Variants in MAP3K5 observed in about 807,000 individuals in gnomAD.
The protein encoded by MAP3K5 is mitogen-activated protein kinase kinase kinase 5.
In MAP3K5, 56 loss-of-function variants were observed where a neutral mutation model predicts 158.7. The ratio of observed to expected loss-of-function variants is 0.35; its 90% CI spans 0.28 to 0.44. The LOEUF (loss-of-function observed/expected upper bound fraction) is 0.44. MAP3K5 is among the 20% of genes least tolerant of loss of function. The pLI is 1.00. For missense variants in MAP3K5, 1,294 were observed against 1,674.8 expected, an observed-to-expected ratio of 0.77 and a Z score of 3.97; for synonymous variants, 579 against 601.7, an observed-to-expected ratio of 0.96 and a Z score of 0.55.
intron 1 of MAP3K5, among the ~76,000 whole-genome samples, chr6:136,738,747 G>A (rs531036481): frequency 6.6e-6 from 1 of 152,258 alleles, no homozygotes; most frequent in Non-Finnish European, 1.5e-5. Flanking sequence ...AGAACAGTCA[G>A]GGTACCACAT....
upstream of MAP3K5, chr6:136,792,529 C>G (rs183320694): frequency 6.7e-3 from 1,715 of 255,734 alleles, 35 homozygotes; most frequent in African/African-American, 0.041. This position sits in a 1 kb window ranked among gnomAD's most constrained non-coding sequence, Gnocchi z 5.7. Flanking sequence ...GGGTGCAGCC[C>G]GCCCTCGCCA....
At chr6:136,614,695 T>C (rs1050276922) in intron 15 of MAP3K5, among the ~76,000 whole-genome samples, 1 of 152,198 alleles carries the variant, frequency 6.6e-6, no homozygotes, top group African/African-American at 2.4e-5. Context: ...TGACTTTCTA[T>C]TCCACTGGCC....
chr6:136,636,028 C>T (rs1292529053), intron 14 of MAP3K5, among the ~76,000 whole-genome samples: 2 of 152,052 alleles, frequency 1.3e-5, no homozygotes, highest in Admixed American at 1.3e-4. Context: ...GACTGGTGAG[C>T]TATAGATTCT....
At chr6:136,567,947 C>G in intron 25 of MAP3K5, 73 bp from the exon 26 acceptor site, 1 of 1,479,144 alleles carries the variant, frequency 6.8e-7, no homozygotes, top group Non-Finnish European at 9.2e-7. Context: ...GATATGAATG[C>G]TACCCTCCTG....
chr6:136,753,307 C>G (rs1401477251), intron 1 of MAP3K5, among the ~76,000 whole-genome samples: 1 of 152,114 alleles, frequency 6.6e-6, no homozygotes, highest in Non-Finnish European at 1.5e-5. Flanking sequence ...CACAGGAATT[C>G]CCGACTTTCT....
At chr6:136,770,110 GCCTC>G (rs1784137476) in intron 1 of MAP3K5, among the ~76,000 whole-genome samples, 1 of 152,088 alleles carries the variant, frequency 6.6e-6, no homozygotes, top group South Asian at 2.1e-4. Flanking sequence ...CTTTATAATG[GCCTC>G]CCTTTTTATT....
chr6:136,633,403 A>C (rs1450336422), intron 14 of MAP3K5, among the ~76,000 whole-genome samples: 1 of 149,432 alleles, frequency 6.7e-6, no homozygotes, highest in Non-Finnish European at 1.5e-5. Context: ...GTCTGAAAAA[A>C]AATAAAATAA....
At chr6:136,652,119 C>T (rs983263305) in intron 10 of MAP3K5, among the ~76,000 whole-genome samples, 3 of 152,022 alleles carry the variant, frequency 2.0e-5, no homozygotes, top group Non-Finnish European at 4.4e-5. Context: ...CAGAAGGCTC[C>T]ACCCATAAGG....
intron 1 of MAP3K5, among the ~76,000 whole-genome samples, chr6:136,759,934 C>T (rs1783676292): frequency 6.6e-6 from 1 of 151,502 alleles, no homozygotes; most frequent in South Asian, 2.1e-4. Context: ...GGGTGGATCT[C>T]ACAAAGTGCA....
intron 1 of MAP3K5, among the ~76,000 whole-genome samples, chr6:136,730,207 C>T (rs1782159078): frequency 1.3e-5 from 2 of 150,496 alleles, no homozygotes; most frequent in South Asian, 4.2e-4. Context: ...CTATGTCGAC[C>T]AAGCTGGTCT....
chr6:136,606,162 C>T (rs940332232), intron 18 of MAP3K5, among the ~76,000 whole-genome samples: 1 of 152,148 alleles, frequency 6.6e-6, no homozygotes, highest in Non-Finnish European at 1.5e-5. Context: ...ACCAGCCTGG[C>T]AAACATGGTG....
intron 9 of MAP3K5, among the ~76,000 whole-genome samples, chr6:136,658,268 C>T (rs1475864987): frequency 2.0e-5 from 3 of 149,488 alleles, no homozygotes; most frequent in Non-Finnish European, 3.0e-5. Flanking sequence ...ACATGTGATG[C>T]TAATAAAAAT....
chr6:136,621,730 C>A (rs1045267563), intron 15 of MAP3K5, among the ~76,000 whole-genome samples: 1 of 152,146 alleles, frequency 6.6e-6, no homozygotes. Context: ...TGGTTAGGCT[C>A]CGGTAAAATA....
chr6:136,722,313 T>C (rs1181430562), intron 1 of MAP3K5, among the ~76,000 whole-genome samples: 1 of 152,156 alleles, frequency 6.6e-6, no homozygotes, highest in Non-Finnish European at 1.5e-5. Context: ...TGTTAATATA[T>C]AACAAATTTA....
intron 25 of MAP3K5, among the ~76,000 whole-genome samples, chr6:136,575,717 A>C (rs766327020): frequency 1.3e-5 from 2 of 152,066 alleles, no homozygotes; most frequent in Non-Finnish European, 2.9e-5. Flanking sequence ...GAGGTTGTGC[A>C]TTTTTGGCAA....
intron 7 of MAP3K5, among the ~76,000 whole-genome samples, chr6:136,670,345 A>C (rs1251305850): frequency 6.6e-6 from 1 of 152,124 alleles, no homozygotes; most frequent in Non-Finnish European, 1.5e-5. Flanking sequence ...AAACGAGAAA[A>C]ATAAAATAAA....
intron 2 of MAP3K5, among the ~76,000 whole-genome samples, chr6:136,707,877 C>CA (rs1481745601): frequency 6.6e-6 from 1 of 152,166 alleles, no homozygotes; most frequent in Non-Finnish European, 1.5e-5. Context: ...TACACCCAAA[C>CA]AAACAATGAA....
At chr6:136,642,386 G>T (rs569928876) in intron 12 of MAP3K5, 134 bp downstream of exon 12, 19 of 715,138 alleles carry the variant, frequency 2.7e-5, no homozygotes, top group Non-Finnish European at 4.4e-5. Flanking sequence ...ACTGAAGAAG[G>T]CTGGGCATTT....
intron 25 of MAP3K5, among the ~76,000 whole-genome samples, chr6:136,574,966 G>A (rs1293010536): frequency 6.6e-6 from 1 of 151,890 alleles, no homozygotes; most frequent in Non-Finnish European, 1.5e-5. Context: ...TGGGATTATA[G>A]GCGTGAGCCA....
Sources: gnomAD v4.1 joint callset for allele counts (sites outside exome capture counted in the v4.1 genomes callset) on GRCh38, gnomAD v4.1.1 for gene constraint, Gnocchi (gnomAD v3.1) non-coding constraint, MANE v1.5 for transcripts, NCBI Gene and HGNC (gene_info 2026-07-23, HGNC 2026-07-21) for gene names.